CHEK2: variants seen among roughly 807,000 people sequenced by gnomAD.
CHEK2 encodes checkpoint kinase 2.
CHEK2 carries 71 observed loss-of-function variants against 69.1 expected under a neutral mutation model. The ratio of observed to expected loss-of-function variants is 1.03; its 90% confidence interval spans 0.85 to 1.25. The LOEUF (loss-of-function observed/expected upper bound fraction) is 1.25, where lower values mean the gene tolerates loss of function less well. Among genes scored for constraint, CHEK2 ranks in the 50% most tolerant of loss-of-function variants. CHEK2 has a pLI of 0.00. For synonymous variants in CHEK2, 189 were observed against 226.9 expected, an observed-to-expected ratio of 0.83 and a Z score of 1.50; for missense variants, 664 against 649.6, an observed-to-expected ratio of 1.02 and a Z score of -0.24.
chr22:28,706,406 C>T (rs1256976336), intron 7 of CHEK2, among the ~76,000 whole-genome samples: 1 of 151,934 alleles, frequency 6.6e-6, no homozygotes, highest in East Asian at 1.9e-4. Flanking sequence ...ACAGGTAGCT[C>T]GAGTCATGTG....
At chr22:28,715,899 T>G (rs1569145764) in intron 5 of CHEK2, among the ~76,000 whole-genome samples, 1 of 151,110 alleles carries the variant, frequency 6.6e-6, no homozygotes, top group Non-Finnish European at 1.5e-5. Flanking sequence ...ATTGTCTCAC[T>G]CTATCGCCCA....
intron 7 of CHEK2, chr22:28,708,892 G>A: frequency 3.1e-6 from 1 of 320,520 alleles, no homozygotes. Flanking sequence ...GGTGGAGCTT[G>A]CAGTGAGCCG....
At chr22:28,690,328 CA>C (rs4035556) in intron 13 of CHEK2, among the ~76,000 whole-genome samples, 2 of 151,584 alleles carry the variant, frequency 1.3e-5, no homozygotes, top group Non-Finnish European at 2.9e-5. Context: ...TTCGTCACTA[CA>C]AAAAAAATTA....
Position 28,725,059 on chromosome 22 carries a change from TACA to T in CHEK2, c.507_509del (p.Phe169_Val170delinsLeu), listed in dbSNP as rs876660363. On this transcript the variant is annotated inframe_deletion, in exon 4 of 15. Transcript: ENST00000404276. Reference sequence around the variant, plus strand: ...TTCCTTTCCCTACAAGCTCTGTATTTACAAAGGTTCCATTGCCACTGTGATCTT... The same window carrying T: ...TTCCTTTCCCTACAAGCTCTGTATTTAAGGTTCCATTGCCACTGTGATCTT... The T allele has an allele frequency of 6.2e-7, 1 of 1,614,144 alleles. No individual in the cohort carries two copies. Among genetic ancestry groups the T allele is most frequent in the Non-Finnish European group, 8.5e-7 (1 of 1,180,002 alleles).
chr22:28,721,334 T>C (rs1487154690), intron 4 of CHEK2, among the ~76,000 whole-genome samples: 1 of 140,292 alleles, frequency 7.1e-6, no homozygotes. Context: ...TACCCCAGGC[T>C]AGAGTGCAAT....
At chr22:28,696,802 T>G (rs548625101) in intron 10 of CHEK2, 99 bp downstream of exon 10, 270 of 778,046 alleles carry the variant, frequency 3.5e-4, no homozygotes, top group Non-Finnish European at 5.2e-4. Flanking sequence ...AAGGGTCAGA[T>G]TCTCATCCTT....
chr22:28,738,863 C>T (rs1485100062), intron 1 of CHEK2, among the ~76,000 whole-genome samples: 1 of 152,164 alleles, frequency 6.6e-6, no homozygotes, highest in Non-Finnish European at 1.5e-5. Flanking sequence ...AGTGAAGAGA[C>T]AACCCACAGA....
rs2052180370 is a variant in CHEK2, at chr22:28,687,907, G to A, written c.1622C>T (p.Ala541Val). The change falls in exon 15 of 15, where the codon GCT becomes GTT. Residue 541 changes from alanine to valine, a missense_variant. Transcript: ENST00000404276. ...ETTKRPAVCA[A>V]VL ...TTCAAACCACGGAGTTCACAACACA[G>A]CAGCACACACAGCTGGGCGCTTTGT... is the stretch of plus-strand genomic sequence containing the variant. 4 of 1,596,062 alleles carry A rather than the reference G, an allele frequency of 2.5e-6. No individual in the cohort carries two copies. Among genetic ancestry groups the A allele is most frequent in the Non-Finnish European group, 3.4e-6 (4 of 1,179,544 alleles).
At chr22:28,706,091 A>C (rs2053128150) in intron 7 of CHEK2, among the ~76,000 whole-genome samples, 1 of 152,004 alleles carries the variant, frequency 6.6e-6, no homozygotes, top group Non-Finnish European at 1.5e-5. Flanking sequence ...CAAGAGATCA[A>C]GACCACCCTG....
chr22:28,732,377 C>T (rs897610418), intron 2 of CHEK2, among the ~76,000 whole-genome samples: 2 of 152,112 alleles, frequency 1.3e-5, no homozygotes, highest in African/African-American at 4.8e-5. Context: ...TCCCAAAGTG[C>T]TGGGATTACA....
At chr22:28,706,318 ACACAC>A (rs1309795707) in intron 7 of CHEK2, among the ~76,000 whole-genome samples, 7 of 151,986 alleles carry the variant, frequency 4.6e-5, no homozygotes, top group African/African-American at 1.5e-4. Context: ...ACACACACAC[ACACAC>A]ACACACAAAG....
intron 1 of CHEK2, among the ~76,000 whole-genome samples, chr22:28,741,184 T>C (rs539296563): frequency 1.4e-5 from 2 of 146,650 alleles, no homozygotes; most frequent in Admixed American, 1.4e-4. Context: ...GTACAGATGG[T>C]AATCATATAT....
intron 7 of CHEK2, among the ~76,000 whole-genome samples, chr22:28,704,107 G>C (rs2053008055): frequency 8.3e-6 from 1 of 119,952 alleles, no homozygotes; most frequent in Admixed American, 9.8e-5. Flanking sequence ...CGGGGGCAGA[G>C]AGAGAGACAG....
At chr22:28,719,530 A>T in intron 4 of CHEK2, 45 bp from the exon 5 acceptor site, 14 of 1,116,744 alleles carry the variant, frequency 1.3e-5, no homozygotes, top group Non-Finnish European at 1.7e-5. Flanking sequence ...ATTTATTCAC[A>T]AGAGGCGATC....
At position 28,694,103 on chromosome 22, in the gene CHEK2, T is replaced by C; in HGVS notation, c.1390A>G (p.Lys464Glu). 1.3e-6 allele frequency: 2 copies of C among 1,594,688 alleles called. No homozygotes were observed. The highest frequency in any genetic ancestry group is 1.7e-6 in the Non-Finnish European group (2 of 1,178,350). The change falls in exon 13 of 15, where the codon AAG becomes GAG. Residue 464 changes from lysine to glutamate, a missense_variant. Transcript: ENST00000404276. ...EVSEKALDLV[K>E]KLLVVDPKAR... ...TTTGGATCCACTACCAACAACTTCT[T>C]GACAAGGTCCAGAGCTAAAGCAACA...
In CHEK2 at chr22:28,706,250, G is replaced by A. The variant is rs142752756; in HGVS notation, c.847-2684C>T. ...CGGGAGGGAGAGGTTGCACTAAGCCGAGATCACACCAGTGTGCTCTAGCCT... is the reference window on the plus strand; with the variant it reads ...CGGGAGGGAGAGGTTGCACTAAGCCAAGATCACACCAGTGTGCTCTAGCCT... On this transcript the variant is annotated intron_variant, in intron 7 of 14. Transcript: ENST00000404276. Among the ~76,000 whole-genome samples the A allele has an allele frequency of 1.0e-3, 153 of 151,498 alleles. 1 individual carries two copies. Among genetic ancestry groups the A allele is most frequent in the African/African-American group, 3.5e-3 (145 of 41,222 alleles).
At chr22:28,707,043 T>C (rs932471100) in intron 7 of CHEK2, among the ~76,000 whole-genome samples, 1 of 152,154 alleles carries the variant, frequency 6.6e-6, no homozygotes, top group Non-Finnish European at 1.5e-5. Context: ...CCAGTACCTA[T>C]CTGAAAATGG....
chr22:28,690,189 T>A (rs1262973122), intron 13 of CHEK2, among the ~76,000 whole-genome samples: 3 of 152,114 alleles, frequency 2.0e-5, no homozygotes, highest in Non-Finnish European at 4.4e-5. Flanking sequence ...ATTTGATGGA[T>A]ATGGAAATTT....
chr22:28,706,939 A>G (rs1359137592), intron 7 of CHEK2, among the ~76,000 whole-genome samples: 2 of 152,164 alleles, frequency 1.3e-5, no homozygotes, highest in African/African-American at 4.8e-5. Context: ...TAAACAAATA[A>G]AGGAGAACAA....
Sources: allele counts gnomAD v4.1 joint callset (sites outside exome capture counted in the v4.1 genomes callset), GRCh38; gene constraint gnomAD v4.1.1; transcripts MANE v1.5; gene names NCBI Gene and HGNC (gene_info 2026-07-23, HGNC 2026-07-21).